ZSCAN5C: variants seen among roughly 807,000 people sequenced by gnomAD.
The protein encoded by ZSCAN5C is zinc finger and SCAN domain-containing protein 5C.
Under a neutral mutation model 17.3 loss-of-function variants are expected in ZSCAN5C, and 11 were observed. The ratio of observed to expected loss-of-function variants is 0.64; its 90% CI spans 0.40 to 1.06. The LOEUF (loss-of-function observed/expected upper bound fraction) is 1.06. Among genes scored for constraint, ZSCAN5C ranks in the 50% least tolerant of loss-of-function variants. The probability of loss-of-function intolerance (pLI) is 0.00; values close to 1 mark genes in which losing one functional copy is unlikely to be tolerated. For missense variants in ZSCAN5C, 698 were observed against 538.9 expected, an observed-to-expected ratio of 1.30 and a Z score of -2.92; for synonymous variants, 229 against 208.4, an observed-to-expected ratio of 1.10 and a Z score of -0.85.
chr19:56,207,758 C>T (rs536785891), intron 3 of ZSCAN5C, among the ~76,000 whole-genome samples: 31 of 151,836 alleles, frequency 2.0e-4, no homozygotes, highest in Non-Finnish European at 1.2e-4. Flanking sequence ...GGCGGGGTCT[C>T]TGCTCTGCAC....
At chr19:56,207,775 GC>G (rs2032940357) in intron 3 of ZSCAN5C, among the ~76,000 whole-genome samples, 2 of 151,702 alleles carry the variant, frequency 1.3e-5, no homozygotes, top group Admixed American at 1.3e-4. Flanking sequence ...GCACAGGAGC[GC>G]CCCCTCCAGG....
downstream of ZSCAN5C, chr19:56,209,360 G>T (rs2032964545): frequency 4.0e-6 from 2 of 496,880 alleles, no homozygotes; most frequent in East Asian, 3.1e-5. Flanking sequence ...TTCCTCCCCG[G>T]GGGAATTTTG....
intron 3 of ZSCAN5C, 55 bp from the exon 4 acceptor site, chr19:56,207,979 T>C (rs1170735676): frequency 1.5e-6 from 1 of 677,378 alleles, no homozygotes; most frequent in East Asian, 2.7e-5. Flanking sequence ...AAAGCAGACA[T>C]GTCCTTCCAC....
chr19:56,206,240 G>T, exon 2 of ZSCAN5C: 2 of 1,561,372 alleles, frequency 1.3e-6, no homozygotes, highest in Admixed American at 1.8e-5. Context: ...TGAACGGTGT[G>T]CAGAGCTGCA....
At chr19:56,202,955 C>T (rs991015666) in intron 1 of ZSCAN5C, among the ~76,000 whole-genome samples, 3 of 152,030 alleles carry the variant, frequency 2.0e-5, no homozygotes, top group Non-Finnish European at 4.4e-5. Flanking sequence ...TGAGAATCTG[C>T]ACTAAGTGTC....
exon 5 of ZSCAN5C, chr19:56,209,125 G>C (rs759469050): frequency 7.8e-6 from 12 of 1,545,452 alleles, no homozygotes; most frequent in Non-Finnish European, 1.1e-5. Context: ...AATGTTCCAA[G>C]TGTCCAAGAG....
chr19:56,207,548 A>G (rs12709955), intron 3 of ZSCAN5C, among the ~76,000 whole-genome samples: 24,850 of 151,254 alleles, frequency 0.16, 2,432 homozygotes, highest in Middle Eastern at 0.29. Flanking sequence ...TGAAGGTCCC[A>G]TCCCCATCCA....
rs545492963 is a variant in ZSCAN5C, at chr19:56,203,018, C to T, written c.-128+696C>T. Among the ~76,000 whole-genome samples, 12 of 152,142 alleles carry T rather than the reference C, an allele frequency of 7.9e-5. 1 individual carries two copies. The South Asian group carries it at 1.4e-3, about 18-fold the overall frequency. ...ACTCCCAGAATTGAATACTAACCCG[C>T]GTACCTGCCTTTATTTTTTCCCATG... On this transcript the variant is annotated intron_variant, in intron 1 of 4. Transcript: ENST00000534327.
At chr19:56,208,901 G>A (rs1240764887) in exon 5 of ZSCAN5C, 12 of 1,609,090 alleles carry the variant, frequency 7.5e-6, no homozygotes, top group Non-Finnish European at 8.5e-6. Flanking sequence ...GCAGCGCATA[G>A]GCCTGCAATT....
chr19:56,202,919 G>T (rs1416128027), intron 1 of ZSCAN5C, among the ~76,000 whole-genome samples: 1 of 151,972 alleles, frequency 6.6e-6, no homozygotes, highest in Admixed American at 6.5e-5. Flanking sequence ...AGCCATTGAT[G>T]AATGGGCATC....
At chr19:56,207,776 C>T (rs2032940328) in intron 3 of ZSCAN5C, among the ~76,000 whole-genome samples, 1 of 151,704 alleles carries the variant, frequency 6.6e-6, no homozygotes, top group Admixed American at 6.6e-5. Context: ...CACAGGAGCG[C>T]CCCCTCCAGG....
chr19:56,203,987 ACTT>A (rs1290861094), intron 1 of ZSCAN5C, among the ~76,000 whole-genome samples: 6 of 151,834 alleles, frequency 4.0e-5, no homozygotes, highest in African/African-American at 1.5e-4. Context: ...TACATTACCT[ACTT>A]CTTTTATTTT....
intron 1 of ZSCAN5C, among the ~76,000 whole-genome samples, chr19:56,204,426 C>A (rs1274399924): frequency 3.3e-5 from 5 of 151,490 alleles, no homozygotes. Context: ...GTGAGGGGTG[C>A]CTTGTGGTTT....
intron 3 of ZSCAN5C, 86 bp from the exon 4 acceptor site, chr19:56,207,948 G>A: frequency 1.6e-6 from 1 of 643,072 alleles, no homozygotes. Context: ...CATTAGAAGA[G>A]TTGGTGCATC....
rs1383766286 is a variant in ZSCAN5C, at chr19:56,206,074, AG to A, written c.163del (p.Glu55SerfsTer8). 1 of 1,612,500 alleles carries A rather than the reference AG, an allele frequency of 6.2e-7. No individual in the cohort carries two copies. The highest frequency in any genetic ancestry group is 1.7e-5 in the Admixed American group (1 of 59,960). On this transcript the variant is annotated frameshift_variant, in exon 2 of 5. Coordinates refer to ENST00000534327, the Ensembl canonical transcript of ZSCAN5C. LOFTEE classifies it high-confidence loss of function. ...AACTTCAGGATGTTCAGCTGCCCGA[AG>A]GAGTCGGACCCCATCCAGGCTCTGA... is the stretch of plus-strand genomic sequence containing the variant.
rs773754572 is a variant in ZSCAN5C at position 56,208,879 on chromosome 19, G to T, written c.1170G>T (p.Gly390=). 18 of 1,590,170 alleles carry T rather than the reference G, an allele frequency of 1.1e-5. No homozygotes were observed. In the Middle Eastern group the frequency reaches 5.0e-4, roughly 44 times the overall value. The change falls in exon 5 of 5, where the codon GGG becomes GGT. Residue 390 remains glycine (G), a synonymous_variant. Transcript: ENST00000534327. ...GACTCTTTCAGTGTAATCTCTGCGGGAAGCGCTTCATGCAGCGCATAGGCC... is the reference window on the plus strand; with the variant it reads ...GACTCTTTCAGTGTAATCTCTGCGGTAAGCGCTTCATGCAGCGCATAGGCC...
At chr19:56,207,482 G>A (rs571128118) in intron 3 of ZSCAN5C, among the ~76,000 whole-genome samples, 3 of 151,308 alleles carry the variant, frequency 2.0e-5, no homozygotes, top group Admixed American at 6.6e-5. Context: ...TGTAGGGTGG[G>A]GGGTAAGAAA....
At chr19:56,204,673 C>T (rs1375931123) in intron 1 of ZSCAN5C, among the ~76,000 whole-genome samples, 3 of 151,800 alleles carry the variant, frequency 2.0e-5, no homozygotes, top group Non-Finnish European at 4.4e-5. Flanking sequence ...CGATTGTCTC[C>T]CTGGCTGTCT....
At chr19:56,207,957 T>A in intron 3 of ZSCAN5C, 77 bp from the exon 4 acceptor site, 2 of 652,602 alleles carry the variant, frequency 3.1e-6, no homozygotes, top group Non-Finnish European at 5.5e-6. Context: ...AGTTGGTGCA[T>A]CCAGTCAGGA....
Sources: gnomAD v4.1 joint callset for allele counts (sites outside exome capture counted in the v4.1 genomes callset) on GRCh38, gnomAD v4.1.1 for gene constraint, MANE v1.5 for transcripts, NCBI Gene and HGNC (gene_info 2026-07-23, HGNC 2026-07-21) for gene names.